The following TTC7A variants were observed in gnomAD, a reference collection of about 807,000 sequenced individuals.
The protein encoded by TTC7A is tetratricopeptide repeat protein 7A.
Under a neutral mutation model 103.7 loss-of-function variants are expected in TTC7A, and 110 were observed. The observed-to-expected ratio is 1.06, with a 90% CI of 0.91 to 1.24. The LOEUF is 1.24. Ranked by LOEUF, TTC7A falls within the 50% of genes most tolerant of loss-of-function variation. The pLI is 0.00. For missense variants in TTC7A, 1,340 were observed against 1,116.3 expected (o/e 1.20, Z -2.86); for synonymous variants, 521 against 467.9 (o/e 1.11, Z -1.47).
At chr2:46,956,432 T>A (rs1311236736) in intron 2 of TTC7A, among the ~76,000 whole-genome samples, 2 of 152,140 alleles carry the variant, frequency 1.3e-5, no homozygotes, top group Non-Finnish European at 2.9e-5. Context: ...ATGAGAAGCC[T>A]GGGGCTCCAC....
chr2:47,060,990 C>T lies in TTC7A; in HGVS notation c.2355+19C>T, dbSNP rs762272685. ...TAGCCTGGTGAGTCAGAGCCCCCCG[C>T]GCTCCCACCACCTCCTCCCACAGCC... On this transcript the variant is annotated intron_variant, in intron 19 of 19. Transcript: ENST00000319190. 1.7e-5 allele frequency: 27 copies of T among 1,572,702 alleles called. No homozygotes were observed. The highest frequency in any genetic ancestry group is 4.6e-5 in the South Asian group (4 of 87,566).
At chr2:46,997,321 A>C (rs1326253103) in intron 8 of TTC7A, among the ~76,000 whole-genome samples, 1 of 152,114 alleles carries the variant, frequency 6.6e-6, no homozygotes, top group Non-Finnish European at 1.5e-5. Context: ...TGAGGCTTCC[A>C]GTGCAATTTA....
At chr2:47,034,590 T>C (rs1680909731) in intron 15 of TTC7A, among the ~76,000 whole-genome samples, 1 of 152,144 alleles carries the variant, frequency 6.6e-6, no homozygotes, top group Non-Finnish European at 1.5e-5. Context: ...CCTCAGCTCA[T>C]GATGGGAGCT....
intron 2 of TTC7A, among the ~76,000 whole-genome samples, chr2:46,934,225 G>T (rs1055148374): frequency 6.6e-5 from 10 of 152,066 alleles, no homozygotes; most frequent in Non-Finnish European, 7.4e-5. Flanking sequence ...ACTGTTTTTT[G>T]CAGAAGTTTT....
At chr2:47,013,942 C>T (rs1678347106) in intron 11 of TTC7A, among the ~76,000 whole-genome samples, 1 of 152,170 alleles carries the variant, frequency 6.6e-6, no homozygotes, top group Non-Finnish European at 1.5e-5. Context: ...CGAGAGTGGG[C>T]TCCTGGCAAC....
upstream of TTC7A, among the ~76,000 whole-genome samples, chr2:46,940,546 C>T (rs996265281): frequency 6.6e-6 from 1 of 152,220 alleles, no homozygotes; most frequent in Non-Finnish European, 1.5e-5. The surrounding 1 kb of genome is among the most constrained non-coding windows in gnomAD (Gnocchi z 4.7). Context: ...TGATCACAGT[C>T]TTAGACCAGC....
At chr2:46,983,225 C>T in intron 5 of TTC7A, among the ~76,000 whole-genome samples, 1 of 152,188 alleles carries the variant, frequency 6.6e-6, no homozygotes, top group East Asian at 1.9e-4. Flanking sequence ...AGGGTAGGGC[C>T]TGCCATGGAG....
chr2:47,049,076 C>T (rs1682605477), intron 16 of TTC7A, among the ~76,000 whole-genome samples: 2 of 152,162 alleles, frequency 1.3e-5, no homozygotes, highest in Admixed American at 6.5e-5. Flanking sequence ...ATGGCAAGGA[C>T]ACCCCTGGTA....
intron 15 of TTC7A, among the ~76,000 whole-genome samples, chr2:47,041,622 G>T (rs1251561822): frequency 3.3e-5 from 5 of 152,086 alleles, no homozygotes; most frequent in African/African-American, 1.2e-4. Context: ...GCCTGGTGGC[G>T]TATGCCTGTA....
chr2:47,031,115 C>T (rs570996563), intron 15 of TTC7A, among the ~76,000 whole-genome samples: 2 of 152,276 alleles, frequency 1.3e-5, no homozygotes, highest in African/African-American at 4.8e-5. Context: ...CCACTGCACT[C>T]TAGCCTGGGC....
chr2:46,975,980 A>G (rs948935461), intron 4 of TTC7A, among the ~76,000 whole-genome samples: 1 of 152,068 alleles, frequency 6.6e-6, no homozygotes, highest in Non-Finnish European at 1.5e-5. Flanking sequence ...CAGGTGATCC[A>G]CCTGCCTCAG....
chr2:47,009,207 T>TGGCACCCGCCCACTCTG (rs1240753252), intron 10 of TTC7A, among the ~76,000 whole-genome samples: 2 of 152,156 alleles, frequency 1.3e-5, no homozygotes, highest in African/African-American at 4.8e-5. Context: ...TCAGGCACCC[T>TGGCACCCGCCCACTCTG]GGCACCCGCC....
At chr2:46,963,272 A>G (rs1479228290) in intron 3 of TTC7A, among the ~76,000 whole-genome samples, 1 of 152,066 alleles carries the variant, frequency 6.6e-6, no homozygotes, top group African/African-American at 2.4e-5. Context: ...GCATTGTTTT[A>G]TACAGACAAA....
intron 15 of TTC7A, among the ~76,000 whole-genome samples, chr2:47,042,974 C>T (rs1333287614): frequency 6.6e-6 from 1 of 152,198 alleles, no homozygotes. Context: ...CCAGGAGTCA[C>T]AGCGTTCTGG....
At chr2:47,000,727 G>A (rs923152351) in intron 8 of TTC7A, among the ~76,000 whole-genome samples, 1 of 152,154 alleles carries the variant, frequency 6.6e-6, no homozygotes, top group Non-Finnish European at 1.5e-5. Context: ...GTAGTTTTGC[G>A]GGGGCTGAGG....
At chr2:47,070,704 G>A (rs961062566) in intron 19 of TTC7A, among the ~76,000 whole-genome samples, 4 of 151,936 alleles carry the variant, frequency 2.6e-5, no homozygotes, top group South Asian at 4.2e-4. Context: ...CTGAGATCCA[G>A]GAAGGGAGAG....
intron 15 of TTC7A, among the ~76,000 whole-genome samples, chr2:47,035,879 G>A (rs1001844553): frequency 2.0e-5 from 3 of 152,148 alleles, no homozygotes; most frequent in African/African-American, 4.8e-5. Flanking sequence ...CTCTGCAGTG[G>A]GAGATCTTCA....
In TTC7A at chr2:47,073,805, GCGAGGTGCTGCAGGCCCAGGGCCAGAA is replaced by G. The variant is rs759258384; in HGVS notation, c.2465_2491del (p.Val822_Glu830del). On this transcript the variant is annotated inframe_deletion, in exon 20 of 20. Coordinates refer to ENST00000319190, the MANE Select transcript of TTC7A (RefSeq NM_020458.4). ...TGCCACGAGGCGTGGCAGGGCCTGGGCGAGGTGCTGCAGGCCCAGGGCCAGAACGAGGCTGCCGTTGACTGCTTCCTC... is the reference window on the plus strand; with the variant it reads ...TGCCACGAGGCGTGGCAGGGCCTGGGCGAGGCTGCCGTTGACTGCTTCCTC... The G allele has an allele frequency of 1.2e-6, 2 of 1,613,616 alleles. No individual in the cohort carries two copies. Among genetic ancestry groups the G allele is most frequent in the Admixed American group, 3.3e-5 (2 of 60,008 alleles).
chr2:47,062,335 T>G (rs529276766), intron 19 of TTC7A, among the ~76,000 whole-genome samples: 2 of 152,190 alleles, frequency 1.3e-5, no homozygotes, highest in Non-Finnish European at 2.9e-5. Context: ...TTCTATAGAT[T>G]TCTAACTTAG....
Sources: gnomAD v4.1 joint callset for allele counts (sites outside exome capture counted in the v4.1 genomes callset) on GRCh38, gnomAD v4.1.1 for gene constraint, Gnocchi (gnomAD v3.1) non-coding constraint, MANE v1.5 for transcripts, NCBI Gene and HGNC (gene_info 2026-07-23, HGNC 2026-07-21) for gene names.